KCTD16: variants seen among roughly 807,000 people sequenced by gnomAD.
KCTD16 encodes the protein potassium channel tetramerization domain containing 16, also known as BTB/POZ domain-containing protein KCTD16.
In KCTD16, 13 loss-of-function variants were observed where a neutral mutation model predicts 33.2. The observed-to-expected ratio is 0.39, with a 90% CI of 0.25 to 0.62. The LOEUF (loss-of-function observed/expected upper bound fraction) is 0.62, where lower values mean the gene tolerates loss of function less well. Ranked by LOEUF, KCTD16 falls within the 20% of genes least tolerant of loss-of-function variation. The pLI is 0.50. For missense variants in KCTD16, 441 were observed against 525.1 expected (o/e 0.84, Z 1.57); for synonymous variants, 197 against 195.3 (o/e 1.01, Z -0.07).
intron 3 of KCTD16, among the ~76,000 whole-genome samples, chr5:144,219,863 C>A (rs1753686691): frequency 6.6e-6 from 1 of 152,006 alleles, no homozygotes; most frequent in Non-Finnish European, 1.5e-5. Context: ...ATGTTTGGAC[C>A]CAGCAGGAGA....
Position 144,482,008 on chromosome 5 carries a change from C to A in KCTD16, c.*7894C>A, listed in dbSNP as rs746509186. 6.6e-6 allele frequency: 1 copy of A among 151,876 alleles called. No homozygotes were observed. The highest frequency in any genetic ancestry group is 1.5e-5 in the Non-Finnish European group (1 of 67,916). 9.4% of individuals were successfully genotyped at this position (151,876 alleles called of 1,614,324 possible). ...CTTTACAGATGAGGTCAGTGAGGCT[C>A]AGAAAGATAAAGTAGCACATAAAGG... On this transcript the variant is annotated 3_prime_UTR_variant, in exon 4 of 4. Coordinates refer to ENST00000512467, the MANE Select transcript of KCTD16 (RefSeq NM_020768.4).
At chr5:144,392,751 G>C (rs1752478712) in intron 3 of KCTD16, among the ~76,000 whole-genome samples, 1 of 152,132 alleles carries the variant, frequency 6.6e-6, no homozygotes, top group Non-Finnish European at 1.5e-5. Flanking sequence ...TATTACTTCT[G>C]GACAGAACAT....
intron 3 of KCTD16, 26 bp from the exon 4 acceptor site, chr5:144,473,634 C>G: frequency 6.4e-7 from 1 of 1,567,426 alleles, no homozygotes; most frequent in Non-Finnish European, 8.7e-7. Flanking sequence ...GGCATTAATC[C>G]TTTGGGTCCT....
chr5:144,232,501 T>C (rs1754134175), intron 3 of KCTD16, among the ~76,000 whole-genome samples: 1 of 152,214 alleles, frequency 6.6e-6, no homozygotes, highest in Non-Finnish European at 1.5e-5. Flanking sequence ...GCTGTGTGTT[T>C]CCAGAGCCTT....
At chr5:144,194,672 G>A (rs934235734) in intron 2 of KCTD16, among the ~76,000 whole-genome samples, 1 of 152,174 alleles carries the variant, frequency 6.6e-6, no homozygotes, top group Admixed American at 6.5e-5. Context: ...ACAAAACTCT[G>A]TATGGGAAGT....
At chr5:144,256,453 G>A (rs1754851066) in intron 3 of KCTD16, among the ~76,000 whole-genome samples, 1 of 152,102 alleles carries the variant, frequency 6.6e-6, no homozygotes, top group South Asian at 2.1e-4. Context: ...GGTTTAGTGT[G>A]ACTGTTTGGA....
chr5:144,322,807 T>C (rs974756550), intron 3 of KCTD16, among the ~76,000 whole-genome samples: 2 of 152,062 alleles, frequency 1.3e-5, no homozygotes, highest in African/African-American at 4.8e-5. Flanking sequence ...GCATGCATTC[T>C]CTCAAGTCTC....
intron 3 of KCTD16, among the ~76,000 whole-genome samples, chr5:144,458,197 C>T (rs536413334): frequency 6.6e-6 from 1 of 152,250 alleles, no homozygotes; most frequent in African/African-American, 2.4e-5. Flanking sequence ...CTCAAACAAC[C>T]TCATAGGCAG....
intron 3 of KCTD16, among the ~76,000 whole-genome samples, chr5:144,468,040 T>C (rs1754386993): frequency 6.6e-6 from 1 of 152,164 alleles, no homozygotes; most frequent in Non-Finnish European, 1.5e-5. Context: ...AGCTTTTGTT[T>C]ACTCCAAAAG....
rs77877692 is a variant in KCTD16 at position 144,279,671 on chromosome 5, A to G, written c.832+72125A>G. 8.1e-4 allele frequency among the ~76,000 whole-genome samples: 123 copies of G among 152,336 alleles called. No homozygotes were observed. The East Asian group carries it at 0.022, about 27-fold the overall frequency. ...GTGTGAGAGCAAACAAGAAGGAGCC[A>G]AACTCACTTTTATAACAAATCCACT... is the stretch of plus-strand genomic sequence containing the variant. On this transcript the variant is annotated intron_variant, in intron 3 of 3. Coordinates refer to ENST00000512467, the MANE Select transcript of KCTD16 (RefSeq NM_020768.4).
intron 3 of KCTD16, among the ~76,000 whole-genome samples, chr5:144,452,399 C>T (rs770111240): frequency 9.3e-5 from 14 of 151,180 alleles, no homozygotes; most frequent in Admixed American, 3.9e-4. Context: ...TTTTTACTGG[C>T]AGAAGGAGGG....
At chr5:144,465,349 T>C (rs547438211) in intron 3 of KCTD16, among the ~76,000 whole-genome samples, 43 of 152,254 alleles carry the variant, frequency 2.8e-4, no homozygotes, top group African/African-American at 1.0e-3. Context: ...TTTTAATTCC[T>C]TTTCCCAGAT....
chr5:144,184,294 C>T (rs1395980927), intron 2 of KCTD16, among the ~76,000 whole-genome samples: 4 of 152,156 alleles, frequency 2.6e-5, no homozygotes, highest in Admixed American at 2.6e-4. Context: ...TATTTCTATG[C>T]ATTTGACTAC....
At chr5:144,210,489 A>G (rs1753351151) in intron 3 of KCTD16, among the ~76,000 whole-genome samples, 1 of 152,180 alleles carries the variant, frequency 6.6e-6, no homozygotes, top group Admixed American at 6.5e-5. Flanking sequence ...CCTTTGCTTT[A>G]ATTTAAAACA....
At chr5:144,180,215 C>G (rs1295163567) in intron 2 of KCTD16, among the ~76,000 whole-genome samples, 1 of 152,176 alleles carries the variant, frequency 6.6e-6, no homozygotes, top group South Asian at 2.1e-4. Context: ...AAACATTCAT[C>G]TGTTTCTAAG....
At chr5:144,286,048 T>C (rs572119284) in intron 3 of KCTD16, among the ~76,000 whole-genome samples, 2 of 152,074 alleles carry the variant, frequency 1.3e-5, no homozygotes, top group East Asian at 3.9e-4. Flanking sequence ...TATTTTGTTT[T>C]CAATCATCAC....
chr5:144,417,378 A>C (rs756499667), intron 3 of KCTD16, among the ~76,000 whole-genome samples: 37 of 152,240 alleles, frequency 2.4e-4, no homozygotes, highest in Non-Finnish European at 3.4e-4. Flanking sequence ...TAATGAAATC[A>C]GGCATCTTTT....
At chr5:144,299,102 A>ATATATATATATATATG (rs1756143929) in intron 3 of KCTD16, among the ~76,000 whole-genome samples, 2 of 8,230 alleles carry the variant, frequency 2.4e-4, no homozygotes, top group African/African-American at 6.4e-4. Flanking sequence ...CTATGTATAT[A>ATATATATATATATATG]TATATATATA....
At chr5:144,409,638 C>T (rs973586135) in intron 3 of KCTD16, among the ~76,000 whole-genome samples, 1 of 151,978 alleles carries the variant, frequency 6.6e-6, no homozygotes, top group African/African-American at 2.4e-5. Context: ...GTGGGCAGAT[C>T]ACCCGAGGTC....
Sources: gnomAD v4.1 joint callset for allele counts (sites outside exome capture counted in the v4.1 genomes callset) on GRCh38, gnomAD v4.1.1 for gene constraint, MANE v1.5 for transcripts, NCBI Gene and HGNC (gene_info 2026-07-23, HGNC 2026-07-21) for gene names.